The following ZFHX4 variants were observed in gnomAD, a reference collection of about 807,000 sequenced individuals.
ZFHX4 encodes the protein zinc finger homeobox 4, also known as zinc finger homeobox protein 4.
Under a neutral mutation model 267.6 loss-of-function variants are expected in ZFHX4, and 56 were observed. That is an observed-to-expected ratio of 0.21 (90% CI 0.17 to 0.26). The LOEUF (loss-of-function observed/expected upper bound fraction) is 0.26, where lower values mean the gene tolerates loss of function less well. Ranked by LOEUF, ZFHX4 falls within the 10% of genes least tolerant of loss-of-function variation. ZFHX4 has a pLI of 1.00. For missense variants in ZFHX4, 4,332 were observed against 4,420.0 expected, an observed-to-expected ratio of 0.98 and a Z score of 0.56; for synonymous variants, 1,778 against 1,665.6, an observed-to-expected ratio of 1.07 and a Z score of -1.64.
At chr8:76,718,935 T>TCACA (rs34486060) in intron 3 of ZFHX4, among the ~76,000 whole-genome samples, 7,328 of 141,286 alleles carry the variant, frequency 0.052, 188 homozygotes, top group East Asian at 0.091. Context: ...CTGAAATTGA[T>TCACA]CACACACACA....
chr8:76,828,765 TA>T (rs1041240110), intron 4 of ZFHX4, among the ~76,000 whole-genome samples: 2 of 151,806 alleles, frequency 1.3e-5, no homozygotes, highest in African/African-American at 4.8e-5. Flanking sequence ...TTATGCAATT[TA>T]AAAAAAAGTA....
At chr8:76,835,248 T>TATATATATGTATAG (rs1238959425) in intron 5 of ZFHX4, among the ~76,000 whole-genome samples, 1 of 141,010 alleles carries the variant, frequency 7.1e-6, no homozygotes, top group East Asian at 2.0e-4. Context: ...TATGTATATA[T>TATATATATGTATAG]ATATATATAT....
intron 1 of ZFHX4, among the ~76,000 whole-genome samples, chr8:76,686,908 G>A (rs184637928): frequency 5.9e-5 from 9 of 152,280 alleles, no homozygotes; most frequent in African/African-American, 2.2e-4. Flanking sequence ...TTCTGTGACT[G>A]CCTAAGGGCT....
chr8:76,718,266 ATTTAT>A (rs1390499063), intron 3 of ZFHX4, among the ~76,000 whole-genome samples: 2 of 152,180 alleles, frequency 1.3e-5, no homozygotes, highest in Non-Finnish European at 2.9e-5. Context: ...GCCTTTTAGA[ATTTAT>A]TTTATTTAAT....
chr8:76,844,838 G>A (rs777941449), intron 6 of ZFHX4, among the ~76,000 whole-genome samples: 14 of 152,206 alleles, frequency 9.2e-5, no homozygotes, highest in Non-Finnish European at 1.8e-4. Context: ...GACAGCTCTT[G>A]TGATTGACAA....
At chr8:76,824,985 A>G (rs1379146962) in intron 4 of ZFHX4, among the ~76,000 whole-genome samples, 2 of 152,198 alleles carry the variant, frequency 1.3e-5, no homozygotes, top group Non-Finnish European at 2.9e-5. Context: ...TTAAACTACA[A>G]TGCTTAAGAA....
intron 3 of ZFHX4, among the ~76,000 whole-genome samples, chr8:76,725,307 A>C (rs1808823707): frequency 6.6e-6 from 1 of 152,166 alleles, no homozygotes; most frequent in Non-Finnish European, 1.5e-5. Context: ...GTAAGTTAAA[A>C]ACTGAATCTT....
chr8:76,748,447 GT>G (rs906621442), intron 3 of ZFHX4, among the ~76,000 whole-genome samples: 3 of 152,098 alleles, frequency 2.0e-5, no homozygotes, highest in African/African-American at 7.2e-5. Context: ...TGTATTTGTA[GT>G]TTTTTTGTTG....
chr8:76,719,598 T>TAA (rs869118235), intron 3 of ZFHX4, among the ~76,000 whole-genome samples: 2 of 152,124 alleles, frequency 1.3e-5, no homozygotes, highest in African/African-American at 4.8e-5. Flanking sequence ...TAAGTATTTT[T>TAA]AAAAAATATT....
chr8:76,760,928 CAAAAAA>C (rs771069673), intron 3 of ZFHX4, among the ~76,000 whole-genome samples: 2 of 64,128 alleles, frequency 3.1e-5, no homozygotes, highest in African/African-American at 1.0e-4. Flanking sequence ...GACCCTGCCT[CAAAAAA>C]AAAAAAAAAA....
intron 4 of ZFHX4, among the ~76,000 whole-genome samples, chr8:76,782,554 T>C (rs1174061873): frequency 1.3e-5 from 2 of 152,030 alleles, no homozygotes; most frequent in Non-Finnish European, 2.9e-5. Context: ...TTTATCTTTC[T>C]GTACCTTCTT....
chr8:76,831,882 G>A (rs910003371), intron 4 of ZFHX4, among the ~76,000 whole-genome samples: 5 of 152,020 alleles, frequency 3.3e-5, no homozygotes, highest in African/African-American at 1.2e-4. Context: ...GACTTCTTGA[G>A]TGACATGTAG....
At chr8:76,860,943 C>A (rs971307027) in intron 10 of ZFHX4, among the ~76,000 whole-genome samples, 1 of 152,090 alleles carries the variant, frequency 6.6e-6, no homozygotes, top group Non-Finnish European at 1.5e-5. Context: ...CAATCCCAGA[C>A]ATAGAACTGT....
rs1005643189 is a variant in ZFHX4, at chr8:76,824,566, T to C, written c.3326-8772T>C. Among the ~76,000 whole-genome samples, 5 of 152,252 alleles carry C rather than the reference T, an allele frequency of 3.3e-5. No homozygotes were observed. The South Asian group carries it at 8.3e-4, about 25-fold the overall frequency. The stretch of plus-strand genomic sequence containing the variant: ...AGTTCATATTCTGTCACAGTAATTT[T>C]AGTTTATTTTTATTTTCATTTTTTG... On this transcript the variant is annotated intron_variant, in intron 4 of 10. Coordinates refer to ENST00000651372, the MANE Select transcript of ZFHX4 (RefSeq NM_024721.5).
chr8:76,821,174 A>C (rs994933295), intron 4 of ZFHX4, among the ~76,000 whole-genome samples: 25 of 152,080 alleles, frequency 1.6e-4, no homozygotes, highest in African/African-American at 6.0e-4. Context: ...TCTCTTCTGC[A>C]TTATTAATTT....
chr8:76,832,652 T>G (rs1330225866), intron 4 of ZFHX4, among the ~76,000 whole-genome samples: 3 of 152,112 alleles, frequency 2.0e-5, no homozygotes, highest in Non-Finnish European at 2.9e-5. Flanking sequence ...GGAGAAGGAA[T>G]GAGATGTCGA....
At chr8:76,832,971 TA>T (rs1487176521) in intron 4 of ZFHX4, among the ~76,000 whole-genome samples, 3 of 152,170 alleles carry the variant, frequency 2.0e-5, no homozygotes, top group Non-Finnish European at 4.4e-5. Context: ...ATCAGAGAAG[TA>T]AAAGTATGCT....
chr8:76,765,321 C>T (rs1810023948), intron 3 of ZFHX4, among the ~76,000 whole-genome samples: 1 of 152,006 alleles, frequency 6.6e-6, no homozygotes, highest in African/African-American at 2.4e-5. Context: ...GTTAACTATA[C>T]CTATTTTTCT....
chr8:76,831,696 G>C (rs1183159318), intron 4 of ZFHX4, among the ~76,000 whole-genome samples: 1 of 152,152 alleles, frequency 6.6e-6, no homozygotes, highest in East Asian at 1.9e-4. Flanking sequence ...CATGATAAGT[G>C]CTGAAACATA....
Sources: gnomAD v4.1 joint callset for allele counts (sites outside exome capture counted in the v4.1 genomes callset) on GRCh38, gnomAD v4.1.1 for gene constraint, MANE v1.5 for transcripts, NCBI Gene and HGNC (gene_info 2026-07-23, HGNC 2026-07-21) for gene names.